Variants in NLE1 observed in about 807,000 individuals in gnomAD.
NLE1 encodes notchless protein homolog 1.
Under a neutral mutation model 62.8 loss-of-function variants are expected in NLE1, and 37 were observed. The observed-to-expected ratio is 0.59, with a 90% CI of 0.45 to 0.78. The LOEUF is 0.78. NLE1 is among the 30% of genes least tolerant of loss of function. NLE1 has a pLI of 0.00. For synonymous variants in NLE1, 243 were observed against 253.0 expected, an observed-to-expected ratio of 0.96 and a Z score of 0.37; for missense variants, 555 against 637.9, an observed-to-expected ratio of 0.87 and a Z score of 1.40.
chr17:35,141,152 CAG>C (rs2091941251), intron 2 of NLE1, among the ~76,000 whole-genome samples: 1 of 152,320 alleles, frequency 6.6e-6, no homozygotes, highest in Admixed American at 6.5e-5. Context: ...TGCTTCATCC[CAG>C]AGTTTGGTTT....
Position 35,137,108 on chromosome 17 carries a change from T to A in NLE1, c.721A>T (p.Ile241Phe). 2 of 1,613,928 alleles carry A rather than the reference T, an allele frequency of 1.2e-6. No individual in the cohort carries two copies. The highest frequency in any genetic ancestry group is 1.7e-6 in the Non-Finnish European group (2 of 1,179,968). The change falls in exon 7 of 13, where the codon ATC (isoleucine) becomes TTC (phenylalanine). Residue 241 changes from isoleucine to phenylalanine, a missense_variant. Ile to Phe is a conservative substitution (Grantham distance 21). Transcript: ENST00000442241. The stretch of plus-strand genomic sequence containing the variant: ...ACCGACTGGGTGTGCCCGGTGAGGA[T>A]GCGCTCACAGCGGCCTGCAGTTGTG... ...WDTTAGRCERILTGHTQSVTC... is the reference protein window; with the variant it reads ...WDTTAGRCERFLTGHTQSVTC...
chr17:35,140,996 A>C (rs2091940304), intron 2 of NLE1, among the ~76,000 whole-genome samples: 2 of 152,236 alleles, frequency 1.3e-5, no homozygotes. Context: ...AATTAGTTCA[A>C]TGTCCTATTG....
rs2091868174 is a variant in NLE1, at chr17:35,130,213, T to TA, written c.*2223dup. On this transcript the variant is annotated 3_prime_UTR_variant, in exon 13 of 13. Coordinates refer to ENST00000442241, the MANE Select transcript of NLE1 (RefSeq NM_018096.5). ...CAGCAGACAGAAAAAAAAGGGGTGA[T>TA]AGAGACAGAGAGAGAGCCAGGTTCA... 6.4e-7 allele frequency: 1 copy of TA among 1,564,854 alleles called. No individual in the cohort carries two copies. Among genetic ancestry groups the TA allele is most frequent in the East Asian group, 2.3e-5 (1 of 44,360 alleles).
intron 8 of NLE1, 63 bp from the exon 9 acceptor site, chr17:35,136,278 C>A: frequency 6.2e-7 from 1 of 1,612,432 alleles, no homozygotes; most frequent in Non-Finnish European, 8.5e-7. Flanking sequence ...GAAAATCCAA[C>A]ACAAAGAGCA....
Position 35,129,592 on chromosome 17 carries a change from G to A in NLE1, c.*2845C>T, listed in dbSNP as rs150486836. ...AGCTGATGGAGCTAAAGCCTAACAC[G>A]TGTTACTGCCTCAGTGTCCGTGCAG... On this transcript the variant is annotated 3_prime_UTR_variant, in exon 13 of 13. Transcript: ENST00000442241. 3.1e-5 allele frequency: 50 copies of A among 1,614,046 alleles called. No individual in the cohort carries two copies. In the Admixed American group the frequency reaches 3.5e-4, roughly 11 times the overall value.
intron 4 of NLE1, 102 bp downstream of exon 4, chr17:35,139,133 A>C (rs2091927212): frequency 1.0e-6 from 1 of 983,054 alleles, no homozygotes; most frequent in African/African-American, 1.6e-5. Context: ...CCAGGAGTTC[A>C]AGTGAGCTGT....
chr17:35,140,299 G>A (rs2091935367), intron 2 of NLE1, among the ~76,000 whole-genome samples: 1 of 152,228 alleles, frequency 6.6e-6, no homozygotes, highest in South Asian at 2.1e-4. Flanking sequence ...AGCAATCTCT[G>A]CTCACTGCAA....
intron 5 of NLE1, 54 bp from the exon 6 acceptor site, chr17:35,137,694 C>G (rs2091917660): frequency 1.3e-6 from 2 of 1,538,152 alleles, no homozygotes; most frequent in Non-Finnish European, 1.8e-6. Context: ...CTGGCTCCAC[C>G]AAAATCCCTG....
chr17:35,136,292 A>G, intron 8 of NLE1, 70 bp downstream of exon 8: 7 of 1,610,348 alleles, frequency 4.3e-6, no homozygotes, highest in Non-Finnish European at 5.9e-6. Flanking sequence ...AAGAGCAAAC[A>G]CTCCCCATTA....
At chr17:35,139,017 T>C (rs2091926483) in intron 4 of NLE1, among the ~76,000 whole-genome samples, 1 of 151,892 alleles carries the variant, frequency 6.6e-6, no homozygotes, top group East Asian at 1.9e-4. Flanking sequence ...CTCATCTGTA[T>C]GAAAACAAAA....
Position 35,129,939 on chromosome 17 carries a change from C to A in NLE1, c.*2498G>T, listed in dbSNP as rs2091866313. Reference sequence around the variant, plus strand: ...GGTTTTTAGACTCTGCAATTCAGTGCCCATGATTGTGAGTAGGCTGGGAAG... The same window carrying A: ...GGTTTTTAGACTCTGCAATTCAGTGACCATGATTGTGAGTAGGCTGGGAAG... On this transcript the variant is annotated 3_prime_UTR_variant, in exon 13 of 13. Coordinates refer to ENST00000442241, the MANE Select transcript of NLE1 (RefSeq NM_018096.5). 3.6e-6 allele frequency: 5 copies of A among 1,375,474 alleles called. No homozygotes were observed. The African/African-American group carries it at 4.4e-5, about 12-fold the overall frequency. The allele number at this position is 1,375,474 out of a possible 1,614,324, so 85.2% of individuals were successfully genotyped here.
Position 35,141,959 on chromosome 17 carries a change from C to T in NLE1, c.162+20G>A. The T allele has an allele frequency of 6.4e-7, 1 of 1,554,468 alleles. No homozygotes were observed. Among genetic ancestry groups the T allele is most frequent in the South Asian group, 1.2e-5 (1 of 85,024 alleles). ...CCGCCCGGGGGTGGAGATGCGAGGC[C>T]GCCCTGGCCAGCCACTTACCTGGGC... On this transcript the variant is annotated intron_variant, in intron 2 of 12. Coordinates refer to ENST00000442241, the MANE Select transcript of NLE1 (RefSeq NM_018096.5).
At chr17:35,132,986 C>T (rs947298276) in intron 12 of NLE1, among the ~76,000 whole-genome samples, 185 bp downstream of exon 12, 15 of 152,100 alleles carry the variant, frequency 9.9e-5, no homozygotes, top group Admixed American at 3.9e-4. Flanking sequence ...TCTGTTGTTC[C>T]GGTGGCCCTC....
intron 10 of NLE1, chr17:35,134,869 T>C (rs1351434063): frequency 8.3e-6 from 3 of 363,298 alleles, no homozygotes; most frequent in Non-Finnish European, 1.1e-5. Flanking sequence ...CTAGTCAACA[T>C]GGTGAAACCC....
chr17:35,136,192 G>A lies in NLE1; in HGVS notation c.988C>T (p.Leu330=), dbSNP rs146021568. ...ACCCGCACGAGGTTGTATCGGCTCAGAGCCCTCTCCTTCAACTCCTGCACT... is the reference window on the plus strand; with the variant it reads ...ACCCGCACGAGGTTGTATCGGCTCAAAGCCCTCTCCTTCAACTCCTGCACT... ...GSLQELKERA[L]SRYNLVRGQG... Residue 330 remains leucine, a synonymous_variant, in exon 9 of 13, where the codon CTG becomes TTG. Coordinates refer to ENST00000442241, the MANE Select transcript of NLE1 (RefSeq NM_018096.5). 1.2e-6 allele frequency: 2 copies of A among 1,614,064 alleles called. No homozygotes were observed. Among genetic ancestry groups the A allele is most frequent in the Non-Finnish European group, 1.7e-6 (2 of 1,180,026 alleles).
In NLE1 at chr17:35,133,201, G is replaced by C; in HGVS notation, c.1415C>G (p.Ala472Gly). 2 of 1,614,210 alleles carry C rather than the reference G, an allele frequency of 1.2e-6. No individual in the cohort carries two copies. Among genetic ancestry groups the C allele is most frequent in the Non-Finnish European group, 1.7e-6 (2 of 1,180,030 alleles). Residue 472 changes from alanine to glycine, a missense_variant, in exon 12 of 13, where the codon GCA (alanine) becomes GGA (glycine). Physicochemically the swap from Ala to Gly is moderately conservative, Grantham distance 60. Transcript: ENST00000442241. ...GAGGCATTTGTCCTTCCCACCACTT[G>C]CCACTCTCTGGCCATCTGGACTCCA... Reference protein sequence around the residue: ...VDWSPDGQRVASGGKDKCLRI... With the variant: ...VDWSPDGQRVGSGGKDKCLRI...
chr17:35,129,112 C>T lies in NLE1; in HGVS notation c.*3325G>A, dbSNP rs2091861165. ...CGCCCACCAATCTCCTCCTGCTGTG[C>T]TATCCAGTTCCTAACAGGCCATGGA... On this transcript the variant is annotated 3_prime_UTR_variant, in exon 13 of 13. Coordinates refer to ENST00000442241, the MANE Select transcript of NLE1 (RefSeq NM_018096.5). 3 of 289,216 alleles carry T rather than the reference C, an allele frequency of 1.0e-5. No individual in the cohort carries two copies. The highest frequency in any genetic ancestry group is 2.0e-5 in the Non-Finnish European group (3 of 150,448). 17.9% of individuals were successfully genotyped at this position (289,216 alleles called of 1,614,324 possible). A position where few individuals can be genotyped will look rare whatever the true frequency, so the allele number is the denominator to read the frequency against.
chr17:35,140,341 G>A (rs2091935645), intron 2 of NLE1, among the ~76,000 whole-genome samples: 1 of 152,106 alleles, frequency 6.6e-6, no homozygotes, highest in Non-Finnish European at 1.5e-5. Flanking sequence ...AGATTCTCCT[G>A]CCTCAGCCTC....
At position 35,136,402 on chromosome 17, in the gene NLE1, A is replaced by G; in HGVS notation, c.924T>C (p.Pro308=). 1 of 1,614,076 alleles carries G rather than the reference A, an allele frequency of 6.2e-7. No homozygotes were observed. The highest frequency in any genetic ancestry group is 8.5e-7 in the Non-Finnish European group (1 of 1,179,922). Residue 308 remains proline, a synonymous_variant, in exon 8 of 13, where the codon CCT becomes CCC. Transcript: ENST00000442241. ...CTTGGGGATTAACTGAGGCCTCAGC[A>G]GGTTCAAAGGCCCCAGTGCGCAGGG... ...DYALRTGAFE[P]AEASVNPQDL...
Sources: gnomAD v4.1 joint callset for allele counts (sites outside exome capture counted in the v4.1 genomes callset) on GRCh38, gnomAD v4.1.1 for gene constraint, MANE v1.5 for transcripts, NCBI Gene and HGNC (gene_info 2026-07-23, HGNC 2026-07-21) for gene names.